ZSWIM6: variants seen among roughly 807,000 people sequenced by gnomAD.
ZSWIM6 encodes the protein zinc finger SWIM-type containing 6, also known as zinc finger SWIM domain-containing protein 6.
Under a neutral mutation model 113.2 loss-of-function variants are expected in ZSWIM6, and 9 were observed. The ratio of observed to expected loss-of-function variants is 0.08; its 90% CI spans 0.05 to 0.14. The LOEUF (loss-of-function observed/expected upper bound fraction) is 0.14, where lower values mean the gene tolerates loss of function less well. ZSWIM6 is among the 10% of genes least tolerant of loss of function. The pLI is 1.00. For missense variants in ZSWIM6, 1,162 were observed against 1,552.2 expected (o/e 0.75, Z 4.22); for synonymous variants, 611 against 606.5 (o/e 1.01, Z -0.11).
In ZSWIM6 at chr5:61,494,373, A is replaced by C; in HGVS notation, c.1296A>C (p.Ala432=). The stretch of plus-strand genomic sequence containing the variant: ...CACTTTGGCGGCAACAAGGCACTGC[A>C]ATGACTGACAAATACAGGCAGCTCT... ...RLSLWRQQGT[A]MTDKYRQLWD... is the part of the protein sequence containing the mutation. Residue 432 remains alanine (A), a synonymous_variant, in exon 4 of 14, where the codon GCA becomes GCC. Coordinates refer to ENST00000252744, the MANE Select transcript of ZSWIM6 (RefSeq NM_020928.2). 1 of 1,551,150 alleles carries C rather than the reference A, an allele frequency of 6.4e-7. No individual in the cohort carries two copies. Among genetic ancestry groups the C allele is most frequent in the Non-Finnish European group, 8.7e-7 (1 of 1,146,576 alleles).
intron 4 of ZSWIM6, among the ~76,000 whole-genome samples, chr5:61,496,922 C>T (rs898755945): frequency 7.2e-5 from 11 of 152,166 alleles, no homozygotes; most frequent in Admixed American, 4.6e-4. Flanking sequence ...TCATGTGCCA[C>T]GAATGAATCA....
rs1746385999 is a variant in ZSWIM6 at position 61,423,038 on chromosome 5, CTCT to C, written c.677-49638_677-49636del. Among the ~76,000 whole-genome samples the C allele has an allele frequency of 2.0e-5, 3 of 152,016 alleles. No individual in the cohort carries two copies. The South Asian group carries it at 6.2e-4, about 32-fold the overall frequency. On this transcript the variant is annotated intron_variant, in intron 1 of 13. Coordinates refer to ENST00000252744, the MANE Select transcript of ZSWIM6 (RefSeq NM_020928.2). Reference sequence around the variant, plus strand: ...TTCCTTTCCACTTTGGATGCCGTTTCTCTTCTTTTCTTTTCTTTCTTTTTCTTT... The same window carrying C: ...TTCCTTTCCACTTTGGATGCCGTTTCTCTTTTCTTTTCTTTCTTTTTCTTT...
intron 1 of ZSWIM6, among the ~76,000 whole-genome samples, chr5:61,360,014 GA>G (rs879855940): frequency 3.4e-4 from 51 of 151,468 alleles, no homozygotes; most frequent in Non-Finnish European, 2.7e-4. Context: ...GAGAGAGAGA[GA>G]GAGAGGGAGA....
intron 9 of ZSWIM6, among the ~76,000 whole-genome samples, chr5:61,533,812 C>G (rs1232696266): frequency 6.6e-6 from 1 of 152,142 alleles, no homozygotes; most frequent in Non-Finnish European, 1.5e-5. Flanking sequence ...GATTGTGTGG[C>G]TTAAACAACA....
Position 61,535,130 on chromosome 5 carries a change from A to G in ZSWIM6, c.2246-354A>G, listed in dbSNP as rs190012098. On this transcript the variant is annotated intron_variant, in intron 9 of 13. Coordinates refer to ENST00000252744, the MANE Select transcript of ZSWIM6 (RefSeq NM_020928.2). The stretch of plus-strand genomic sequence containing the variant: ...GTCATCTGTGCATTTACAAATCAAG[A>G]TGCTCTGATGCCACACATTGAGAGA... Among the ~76,000 whole-genome samples the G allele has an allele frequency of 2.0e-5, 3 of 152,256 alleles. No individual in the cohort carries two copies. In the East Asian group the frequency reaches 5.8e-4, roughly 29 times the overall value.
At chr5:61,534,077 G>C (rs1749513759) in intron 9 of ZSWIM6, among the ~76,000 whole-genome samples, 2 of 152,168 alleles carry the variant, frequency 1.3e-5, no homozygotes, top group African/African-American at 4.8e-5. Context: ...TTACATTGGG[G>C]CTGGGGGCTT....
intron 4 of ZSWIM6, among the ~76,000 whole-genome samples, chr5:61,511,119 T>C (rs1219347145): frequency 2.0e-5 from 3 of 152,200 alleles, no homozygotes; most frequent in Non-Finnish European, 4.4e-5. Flanking sequence ...ACTGTTAAGA[T>C]AAAAGACCAT....
intron 1 of ZSWIM6, among the ~76,000 whole-genome samples, chr5:61,355,912 T>C (rs1249593052): frequency 6.6e-6 from 1 of 152,236 alleles, no homozygotes; most frequent in African/African-American, 2.4e-5. Context: ...TAAAATTACA[T>C]AGTGGCTTCA....
chr5:61,337,285 C>A (rs1011286431), intron 1 of ZSWIM6, among the ~76,000 whole-genome samples: 35 of 150,382 alleles, frequency 2.3e-4, no homozygotes, highest in African/African-American at 6.9e-4. Flanking sequence ...TCTCCCCCCC[C>A]AAAAAAAACA....
At chr5:61,340,144 AT>A (rs944760472) in intron 1 of ZSWIM6, among the ~76,000 whole-genome samples, 11 of 151,868 alleles carry the variant, frequency 7.2e-5, no homozygotes, top group South Asian at 4.2e-4. Context: ...ACATTTCCTT[AT>A]TTTTTTTCAT....
At chr5:61,424,331 T>A (rs1444504659) in intron 1 of ZSWIM6, among the ~76,000 whole-genome samples, 1 of 152,196 alleles carries the variant, frequency 6.6e-6, no homozygotes, top group South Asian at 2.1e-4. Context: ...TTTTGAGTAG[T>A]TACTAGCTCT....
intron 7 of ZSWIM6, among the ~76,000 whole-genome samples, chr5:61,528,652 A>G (rs1244078835): frequency 2.0e-5 from 3 of 151,492 alleles, no homozygotes; most frequent in African/African-American, 4.9e-5. Context: ...CAGTGGCGCA[A>G]TCTCGGCTTA....
At chr5:61,430,096 G>T (rs1322180845) in intron 1 of ZSWIM6, among the ~76,000 whole-genome samples, 2 of 152,094 alleles carry the variant, frequency 1.3e-5, no homozygotes, top group Non-Finnish European at 2.9e-5. Context: ...TTTGTGGTTT[G>T]CATTTATGAG....
intron 1 of ZSWIM6, among the ~76,000 whole-genome samples, chr5:61,386,356 T>A (rs1745592629): frequency 6.6e-6 from 1 of 152,270 alleles, no homozygotes; most frequent in African/African-American, 2.4e-5. Context: ...TAATGCTTCC[T>A]TTAATTGGGC....
At chr5:61,469,382 G>A (rs11954430) in intron 1 of ZSWIM6, among the ~76,000 whole-genome samples, 31,461 of 152,104 alleles carry the variant, frequency 0.21, 3,402 homozygotes, top group South Asian at 0.35. Flanking sequence ...ATAAAACACC[G>A]TAATCTTTGA....
chr5:61,466,150 T>C (rs1747430254), intron 1 of ZSWIM6, among the ~76,000 whole-genome samples: 3 of 152,192 alleles, frequency 2.0e-5, no homozygotes, highest in African/African-American at 7.2e-5. Flanking sequence ...TATCGATTAT[T>C]GTAGTGTGGG....
At chr5:61,339,347 A>G (rs537506870) in intron 1 of ZSWIM6, among the ~76,000 whole-genome samples, 27 of 152,282 alleles carry the variant, frequency 1.8e-4, no homozygotes, top group Admixed American at 3.9e-4. Context: ...TGGAGGCTGC[A>G]GGCTGCAGTG....
At chr5:61,364,507 T>A (rs757562671) in intron 1 of ZSWIM6, among the ~76,000 whole-genome samples, 4 of 152,258 alleles carry the variant, frequency 2.6e-5, no homozygotes, top group African/African-American at 4.8e-5. Flanking sequence ...TTTCAGAGTC[T>A]ATAAATAAAG....
intron 5 of ZSWIM6, among the ~76,000 whole-genome samples, chr5:61,522,089 G>GTTTTTT (rs1561276852): frequency 6.7e-6 from 1 of 148,274 alleles, no homozygotes. Flanking sequence ...TGTTTTTTTT[G>GTTTTTT]TTTGTTTTTT....
Sources: gnomAD v4.1 joint callset for allele counts (sites outside exome capture counted in the v4.1 genomes callset) on GRCh38, gnomAD v4.1.1 for gene constraint, MANE v1.5 for transcripts, NCBI Gene and HGNC (gene_info 2026-07-23, HGNC 2026-07-21) for gene names.